The following COA8 variants were observed in gnomAD, a reference collection of about 807,000 sequenced individuals.
COA8 encodes UPF0671 protein C14orf153.
Under a neutral mutation model 22.0 loss-of-function variants are expected in COA8, and 20 were observed. That is an observed-to-expected ratio of 0.91 (90% CI 0.64 to 1.32). The LOEUF (loss-of-function observed/expected upper bound fraction) is 1.32, where lower values mean the gene tolerates loss of function less well. Among genes scored for constraint, COA8 ranks in the 40% most tolerant of loss-of-function variants. The pLI is 0.00. For missense variants in COA8, 266 were observed against 230.0 expected (o/e 1.16, Z -1.01); for synonymous variants, 105 against 79.9 (o/e 1.31, Z -1.68).
intron 1 of COA8, among the ~76,000 whole-genome samples, chr14:103,564,673 G>C (rs141823690): frequency 6.9e-6 from 1 of 143,914 alleles, no homozygotes; most frequent in Non-Finnish European, 1.5e-5. Flanking sequence ...TCTGCCTCCC[G>C]GGCTCAAGCG....
At chr14:103,569,823 T>G (rs1258472321) in intron 1 of COA8, among the ~76,000 whole-genome samples, 2 of 152,212 alleles carry the variant, frequency 1.3e-5, no homozygotes, top group Non-Finnish European at 2.9e-5. Context: ...ATAATAAAAG[T>G]CAACATTTGT....
rs57741003 is a variant in COA8, at chr14:103,568,621, GTATATATATA to G, written c.124-2985_124-2976del. Among the ~76,000 whole-genome samples the G allele has an allele frequency of 1.7e-3, 239 of 141,732 alleles. 3 individuals are homozygous for G. The East Asian group carries it at 0.022, about 13-fold the overall frequency. The allele number at this position is 141,732 out of a possible 152,430, so 93.0% of individuals were successfully genotyped here. ...TATACGTATATATATATGTGTGTGT[GTATATATATA>G]TATATATATATATATAGTGACAGGG... On this transcript the variant is annotated intron_variant, in intron 1 of 4. Transcript: ENST00000409074.
chr14:103,571,113 T>A (rs1346876936), intron 1 of COA8, among the ~76,000 whole-genome samples: 1 of 152,154 alleles, frequency 6.6e-6, no homozygotes, highest in Non-Finnish European at 1.5e-5. Context: ...GAATTCAGAC[T>A]CCTCACCTCC....
intron 1 of COA8, among the ~76,000 whole-genome samples, chr14:103,565,275 T>C (rs1035535230): frequency 4.6e-5 from 7 of 152,176 alleles, no homozygotes; most frequent in African/African-American, 1.7e-4. Flanking sequence ...CAGCTTTTAA[T>C]TGAAAAATAT....
chr14:103,563,256 G>C (rs2076105161), intron 1 of COA8, 132 bp downstream of exon 1: 6 of 1,247,450 alleles, frequency 4.8e-6, no homozygotes, highest in Non-Finnish European at 6.8e-6. Flanking sequence ...GTCCTATCCC[G>C]AACAGTCCCG....
intron 3 of COA8, among the ~76,000 whole-genome samples, chr14:103,575,221 T>TA (rs1226355031): frequency 7.9e-5 from 12 of 152,270 alleles, no homozygotes; most frequent in African/African-American, 2.9e-4. Flanking sequence ...TCTGTCATCA[T>TA]ATCAGGTAGG....
intron 1 of COA8, 127 bp from the exon 2 acceptor site, chr14:103,571,496 C>A: frequency 1.1e-6 from 1 of 924,568 alleles, no homozygotes; most frequent in Non-Finnish European, 1.6e-6. Context: ...TGAGATCACG[C>A]CACTACACTC....
At chr14:103,578,534 C>T (rs1457279764) in intron 3 of COA8, among the ~76,000 whole-genome samples, 1 of 152,180 alleles carries the variant, frequency 6.6e-6, no homozygotes, top group Non-Finnish European at 1.5e-5. Context: ...AGAGTACCAT[C>T]AAGATGGGTT....
intron 3 of COA8, among the ~76,000 whole-genome samples, chr14:103,582,450 C>T (rs1440664657): frequency 5.3e-5 from 8 of 152,190 alleles, no homozygotes; most frequent in African/African-American, 1.4e-4. Flanking sequence ...CACTGGTCCT[C>T]ATGTGTAAAC....
chr14:103,583,433 C>T (rs1223292859), intron 3 of COA8, among the ~76,000 whole-genome samples: 2 of 146,710 alleles, frequency 1.4e-5, no homozygotes, highest in Non-Finnish European at 3.0e-5. Context: ...CCCAGCTACT[C>T]GGGAGGCTGA....
At chr14:103,578,755 C>CA (rs2076246831) in intron 3 of COA8, among the ~76,000 whole-genome samples, 2 of 152,186 alleles carry the variant, frequency 1.3e-5, no homozygotes, top group African/African-American at 4.8e-5. Flanking sequence ...GAGCCAAATG[C>CA]AAGGAGACCT....
intron 1 of COA8, among the ~76,000 whole-genome samples, chr14:103,569,102 G>A (rs556610913): frequency 6.6e-6 from 1 of 152,232 alleles, no homozygotes; most frequent in East Asian, 1.9e-4. Context: ...CAGACATGAG[G>A]GCCGGATGGA....
intron 3 of COA8, among the ~76,000 whole-genome samples, chr14:103,580,092 T>C (rs2076256399): frequency 6.6e-6 from 1 of 152,102 alleles, no homozygotes; most frequent in African/African-American, 2.4e-5. Context: ...TTGCAAATAT[T>C]TGGAGACAAA....
intron 1 of COA8, among the ~76,000 whole-genome samples, chr14:103,564,556 T>C (rs2076120361): frequency 2.6e-5 from 4 of 151,380 alleles, no homozygotes; most frequent in Admixed American, 2.6e-4. Flanking sequence ...GATTTCTCTA[T>C]TGTCATATAC....
In COA8 at chr14:103,581,542, C is replaced by T. The variant is rs1322813482; in HGVS notation, c.386-5732C>T. ...TTCAAAACTTATGACTTGTTCATTT[C>T]TGGAATTTTCCATTTAATATTTTCA... On this transcript the variant is annotated intron_variant, in intron 3 of 4. Transcript: ENST00000409074. This position sits in a 1 kb window ranked among gnomAD's most constrained non-coding sequence, Gnocchi z 4.1. 2.5e-6 allele frequency: 1 copy of T among 398,666 alleles called. No individual in the cohort carries two copies. Among genetic ancestry groups the T allele is most frequent in the East Asian group, 3.6e-5 (1 of 28,092 alleles). The allele number at this position is 398,666 out of a possible 1,614,324, so 24.7% of individuals were successfully genotyped here. A position where few individuals can be genotyped will look rare whatever the true frequency, so the allele number is the denominator to read the frequency against.
intron 2 of COA8, among the ~76,000 whole-genome samples, chr14:103,572,931 C>G (rs975885485): frequency 1.3e-5 from 2 of 151,542 alleles, no homozygotes; most frequent in African/African-American, 4.9e-5. Flanking sequence ...TACAGGCACA[C>G]ACCTCCGTGC....
intron 3 of COA8, among the ~76,000 whole-genome samples, chr14:103,586,638 G>GC (rs1185316490): frequency 8.3e-5 from 3 of 36,192 alleles, no homozygotes; most frequent in Non-Finnish European, 1.3e-4. Flanking sequence ...ATCACGCCTG[G>GC]CCTTTTTTTT....
rs11337243 is a variant in COA8, at chr14:103,574,078, CTTTTTTTT to C, written c.322-11_322-4del. 1.3e-5 allele frequency: 13 copies of C among 1,013,646 alleles called. No homozygotes were observed. The highest frequency in any genetic ancestry group is 4.7e-5 in the African/African-American group (2 of 42,856). The allele number at this position is 1,013,646 out of a possible 1,614,324, so 62.8% of individuals were successfully genotyped here. ...AGACAGAGAAAGGAGTTCTGAGAGC[CTTTTTTTT>C]TTTTTTTTTTTTTTTTTAAGGAAAA... On this transcript the variant is annotated intron_variant, in intron 2 of 4. Transcript: ENST00000409074.
At chr14:103,589,221 T>C (rs146030795) in intron 4 of COA8, among the ~76,000 whole-genome samples, 331 of 152,310 alleles carry the variant, frequency 2.2e-3, no homozygotes, top group African/African-American at 7.2e-3. Flanking sequence ...ATTAGTGAAA[T>C]GGAATATGGC....
Sources: allele counts gnomAD v4.1 joint callset (sites outside exome capture counted in the v4.1 genomes callset), GRCh38; gene constraint gnomAD v4.1.1; non-coding constraint Gnocchi (gnomAD v3.1); transcripts MANE v1.5; gene names NCBI Gene and HGNC (gene_info 2026-07-23, HGNC 2026-07-21).